The following DIAPH3 variants were observed in gnomAD, a reference collection of about 807,000 sequenced individuals.
DIAPH3 encodes the protein diaphanous related formin 3.
DIAPH3 carries 117 observed loss-of-function variants against 144.3 expected under a neutral mutation model. The ratio of observed to expected loss-of-function variants is 0.81; its 90% CI spans 0.70 to 0.95. The LOEUF is 0.95. Among genes scored for constraint, DIAPH3 ranks in the 40% least tolerant of loss-of-function variants. The probability of loss-of-function intolerance (pLI) is 0.00; values close to 1 mark genes in which losing one functional copy is unlikely to be tolerated. For missense variants in DIAPH3, 1,421 were observed against 1,412.7 expected (o/e 1.01, Z -0.09); for synonymous variants, 519 against 488.9 (o/e 1.06, Z -0.81).
chr13:59,707,970 T>G (rs1291134711), intron 27 of DIAPH3, among the ~76,000 whole-genome samples: 1 of 151,552 alleles, frequency 6.6e-6, no homozygotes, highest in East Asian at 1.9e-4. Flanking sequence ...ACAAACATAC[T>G]ATTTCTCTCA....
intron 1 of DIAPH3, among the ~76,000 whole-genome samples, chr13:60,158,607 G>T (rs1302587161): frequency 6.6e-6 from 1 of 152,124 alleles, no homozygotes; most frequent in African/African-American, 2.4e-5. Context: ...CCAGGCAGAG[G>T]TTGCTTGAAC....
At chr13:59,710,588 G>A (rs1268520682) in intron 27 of DIAPH3, among the ~76,000 whole-genome samples, 1 of 152,214 alleles carries the variant, frequency 6.6e-6, no homozygotes, top group Non-Finnish European at 1.5e-5. Flanking sequence ...AACAGACTGG[G>A]TTGCCAGTTG....
At chr13:60,108,149 TG>T (rs1159223725) in intron 3 of DIAPH3, among the ~76,000 whole-genome samples, 3 of 152,028 alleles carry the variant, frequency 2.0e-5, no homozygotes, top group Non-Finnish European at 4.4e-5. Context: ...TGATACTGCA[TG>T]GATATAATCT....
chr13:59,939,870 G>T lies in DIAPH3; in HGVS notation c.2075-15000C>A, dbSNP rs1166950620. On this transcript the variant is annotated intron_variant, in intron 17 of 27. Transcript: ENST00000400324. ...TGTGTGTGTGTGTGTGTGTGTGTGT[G>T]TATCACTAAGGAATCCCACAGGAAA... Among the ~76,000 whole-genome samples the T allele has an allele frequency of 2.1e-5, 3 of 141,980 alleles. No individual in the cohort carries two copies. In the South Asian group the frequency reaches 6.7e-4, roughly 32 times the overall value. 93.1% of individuals were successfully genotyped at this position (141,980 alleles called of 152,430 possible). A position where few individuals can be genotyped will look rare whatever the true frequency, so the allele number is the denominator to read the frequency against.
chr13:59,887,766 T>G (rs963525460), intron 20 of DIAPH3, among the ~76,000 whole-genome samples: 5 of 152,144 alleles, frequency 3.3e-5, no homozygotes, highest in African/African-American at 1.2e-4. Context: ...TGATTTTTTT[T>G]GTACACTTTT....
At chr13:59,747,134 C>G (rs2036746554) in intron 27 of DIAPH3, among the ~76,000 whole-genome samples, 1 of 152,014 alleles carries the variant, frequency 6.6e-6, no homozygotes, top group Non-Finnish European at 1.5e-5. Flanking sequence ...GAGAAAATAA[C>G]CACAATAGCA....
intron 17 of DIAPH3, among the ~76,000 whole-genome samples, chr13:59,955,039 T>A (rs73212273): frequency 0.07 from 10,604 of 151,468 alleles, 413 homozygotes; most frequent in Admixed American, 0.11. Flanking sequence ...AACTTTAGAT[T>A]TTCTGGTTTA....
At chr13:60,156,554 G>A (rs192102628) in intron 1 of DIAPH3, among the ~76,000 whole-genome samples, 3 of 152,186 alleles carry the variant, frequency 2.0e-5, no homozygotes, top group Middle Eastern at 3.4e-3. Flanking sequence ...TGGGCTTGGT[G>A]TGGTGTCAAC....
chr13:60,140,661 C>A (rs997835481), intron 1 of DIAPH3, among the ~76,000 whole-genome samples: 1 of 151,958 alleles, frequency 6.6e-6, no homozygotes, highest in African/African-American at 2.4e-5. Context: ...TTCATATCTT[C>A]ATGTATTTTC....
rs1593899495 is a variant in DIAPH3, at chr13:59,802,507, T to TTA, written c.3163+8280_3163+8281insTA. On this transcript the variant is annotated intron_variant, in intron 25 of 27. Transcript: ENST00000400324. ...CAAAATAACAATAACTCATTATTTT[T>TTA]CAACACAGACTGGTCATTTTGCAAA... Among the ~76,000 whole-genome samples the TTA allele has an allele frequency of 6.7e-5, 10 of 149,588 alleles. No individual in the cohort carries two copies. In the East Asian group the frequency reaches 1.9e-3, roughly 29 times the overall value.
chr13:59,927,196 CA>C (rs1391773256), intron 17 of DIAPH3, among the ~76,000 whole-genome samples: 2 of 152,094 alleles, frequency 1.3e-5, no homozygotes, highest in African/African-American at 4.8e-5. Context: ...CCTTTGCTTT[CA>C]GTCACTGTTT....
intron 27 of DIAPH3, among the ~76,000 whole-genome samples, chr13:59,752,090 T>C (rs961075101): frequency 5.3e-5 from 8 of 152,234 alleles, no homozygotes; most frequent in Non-Finnish European, 1.0e-4. Context: ...TCCCAGCCAA[T>C]ATCCTTGTTA....
chr13:59,724,627 T>TGTTAAATAAGGTAA (rs2035518073), intron 27 of DIAPH3, among the ~76,000 whole-genome samples: 1 of 152,186 alleles, frequency 6.6e-6, no homozygotes, highest in South Asian at 2.1e-4. Flanking sequence ...ACTTTTCACT[T>TGTTAAATAAGGTAA]CTTCATCCTT....
chr13:59,865,912 T>A (rs997248621), intron 21 of DIAPH3, among the ~76,000 whole-genome samples: 3 of 152,012 alleles, frequency 2.0e-5, no homozygotes, highest in African/African-American at 7.2e-5. Flanking sequence ...CCTTCCTGTT[T>A]GAAATAATGA....
chr13:60,024,003 G>C (rs1401819073), intron 5 of DIAPH3, among the ~76,000 whole-genome samples: 4 of 151,494 alleles, frequency 2.6e-5, no homozygotes, highest in African/African-American at 7.3e-5. Flanking sequence ...CTACAGGCAC[G>C]TGCCACCACG....
intron 24 of DIAPH3, among the ~76,000 whole-genome samples, chr13:59,828,873 T>C (rs982433262): frequency 2.0e-5 from 3 of 151,804 alleles, no homozygotes; most frequent in Non-Finnish European, 2.9e-5. Flanking sequence ...CAGTCGATTG[T>C]TTAAAAAAAA....
intron 4 of DIAPH3, among the ~76,000 whole-genome samples, chr13:60,057,215 A>C (rs1277829922): frequency 6.6e-6 from 1 of 151,954 alleles, no homozygotes; most frequent in Non-Finnish European, 1.5e-5. Context: ...AGGTTACAAA[A>C]TCAATGTACA....
intron 25 of DIAPH3, among the ~76,000 whole-genome samples, chr13:59,783,640 T>A (rs1035511804): frequency 2.0e-5 from 3 of 152,164 alleles, no homozygotes; most frequent in African/African-American, 7.2e-5. Flanking sequence ...GCTCCCCAAC[T>A]AACAATCAGT....
intron 17 of DIAPH3, among the ~76,000 whole-genome samples, chr13:59,936,385 G>C (rs767047416): frequency 1.6e-4 from 24 of 152,038 alleles, no homozygotes; most frequent in Non-Finnish European, 2.2e-4. Flanking sequence ...TTTTATTGAG[G>C]TCTCCTTGGG....
Sources: allele counts gnomAD v4.1 joint callset (sites outside exome capture counted in the v4.1 genomes callset), GRCh38; gene constraint gnomAD v4.1.1; transcripts MANE v1.5; gene names NCBI Gene and HGNC (gene_info 2026-07-23, HGNC 2026-07-21).